The following PSD2 variants were observed in gnomAD, a reference collection of about 807,000 sequenced individuals.
PSD2 encodes pleckstrin and Sec7 domain containing 2.
PSD2 carries 38 observed loss-of-function variants against 69.8 expected under a neutral mutation model. The ratio of observed to expected loss-of-function variants is 0.54; its 90% CI spans 0.42 to 0.71. The LOEUF (loss-of-function observed/expected upper bound fraction) is 0.71, where lower values mean the gene tolerates loss of function less well. Ranked by LOEUF, PSD2 falls within the 30% of genes least tolerant of loss-of-function variation. The pLI, the probability that PSD2 is intolerant of heterozygous loss-of-function variation, is 0.00. For synonymous variants in PSD2, 412 were observed against 423.0 expected, an observed-to-expected ratio of 0.97 and a Z score of 0.32; for missense variants, 943 against 1,014.5, an observed-to-expected ratio of 0.93 and a Z score of 0.96.
At chr5:139,774,116 C>T in the PSD2 span, among the ~76,000 whole-genome samples, 2 of 151,400 alleles carry the variant, frequency 1.3e-5, no homozygotes, top group Admixed American at 6.6e-5. Flanking sequence ...TGAGCCGCAG[C>T]ACTCGGTCTC....
At chr5:139,795,388 C>G (rs1414186115), upstream of PSD2, among the ~76,000 whole-genome samples, 2 of 152,060 alleles carry the variant, frequency 1.3e-5, no homozygotes, top group Non-Finnish European at 2.9e-5. This position sits in a 1 kb window ranked among gnomAD's most constrained non-coding sequence, Gnocchi z 4.5. Flanking sequence ...GAACAGACCG[C>G]GGGAGGAGGG....
At chr5:139,753,591 G>A in the PSD2 span, among the ~76,000 whole-genome samples, 1 of 152,174 alleles carries the variant, frequency 6.6e-6, no homozygotes, top group East Asian at 1.9e-4. Flanking sequence ...CATGGCCCAT[G>A]AACTCAGCCT....
chr5:139,790,701 G>C, the PSD2 span, among the ~76,000 whole-genome samples: 1 of 152,176 alleles, frequency 6.6e-6, no homozygotes, highest in African/African-American at 2.4e-5. Flanking sequence ...CATTGTGGCA[G>C]TCACTGAGGA....
At chr5:139,812,079 G>A (rs1254367865) in intron 2 of PSD2, among the ~76,000 whole-genome samples, 1 of 152,086 alleles carries the variant, frequency 6.6e-6, no homozygotes, top group African/African-American at 2.4e-5. Context: ...TCATCTATGT[G>A]CGATGCTCTC....
chr5:139,796,708 C>G (rs964556011), intron 1 of PSD2, among the ~76,000 whole-genome samples: 4 of 152,214 alleles, frequency 2.6e-5, no homozygotes, highest in African/African-American at 9.6e-5. Flanking sequence ...CTAGAGGATG[C>G]AGGGACTCCC....
intron 2 of PSD2, among the ~76,000 whole-genome samples, chr5:139,811,367 C>G (rs1215350400): frequency 6.6e-6 from 1 of 152,152 alleles, no homozygotes; most frequent in Non-Finnish European, 1.5e-5. Flanking sequence ...GGAAGGGGCA[C>G]TTCCCAGTCC....
Position 139,839,619 on chromosome 5 carries a change from C to G in PSD2, c.1969-408C>G, listed in dbSNP as rs1364587643. On this transcript the variant is annotated intron_variant, in intron 13 of 14. Transcript: ENST00000274710. This position sits in a 1 kb window ranked among gnomAD's most constrained non-coding sequence, Gnocchi z 5.1. Reference sequence around the variant, plus strand: ...CATGAATGTAAGAGAACGCGTGTATCATATGGAGCAGGGGATAGCGGGGCC... The same window carrying G: ...CATGAATGTAAGAGAACGCGTGTATGATATGGAGCAGGGGATAGCGGGGCC... Among the ~76,000 whole-genome samples the G allele has an allele frequency of 6.6e-6, 1 of 152,182 alleles. No homozygotes were observed. The highest frequency in any genetic ancestry group is 1.9e-4 in the East Asian group (1 of 5,206).
At chr5:139,766,964 T>TCTTTCTTC in the PSD2 span, among the ~76,000 whole-genome samples, 3 of 142,766 alleles carry the variant, frequency 2.1e-5, no homozygotes, top group South Asian at 2.3e-4. Context: ...TTTCTTTCTT[T>TCTTTCTTC]CTTTCTTTCT....
intron 1 of PSD2, among the ~76,000 whole-genome samples, chr5:139,807,836 C>G (rs1759850892): frequency 6.6e-6 from 1 of 152,198 alleles, no homozygotes; most frequent in African/African-American, 2.4e-5. Context: ...CTTCTGGAGC[C>G]TACCCCAGTG....
chr5:139,829,058 A>T (rs1359179494), intron 7 of PSD2, among the ~76,000 whole-genome samples: 1 of 152,208 alleles, frequency 6.6e-6, no homozygotes, highest in Non-Finnish European at 1.5e-5. Flanking sequence ...AGAGGCCCCA[A>T]ATCGTGGACC....
intron 7 of PSD2, among the ~76,000 whole-genome samples, chr5:139,831,317 A>G (rs756393623): frequency 6.6e-6 from 1 of 152,126 alleles, no homozygotes; most frequent in Non-Finnish European, 1.5e-5. Context: ...CTGTTCTTTT[A>G]TATTTAAGGC....
the PSD2 span, among the ~76,000 whole-genome samples, chr5:139,789,128 C>A: frequency 6.6e-6 from 1 of 152,200 alleles, no homozygotes; most frequent in Non-Finnish European, 1.5e-5. Context: ...GGTTGCGGCC[C>A]AGGCATGCGT....
At position 139,837,587 on chromosome 5, in the gene PSD2, G is replaced by A; in HGVS notation, c.1666-38G>A. On this transcript the variant is annotated intron_variant, in intron 11 of 14. Transcript: ENST00000274710. This position sits in a 1 kb window ranked among gnomAD's most constrained non-coding sequence, Gnocchi z 5.0. Reference sequence around the variant, plus strand: ...AGGGGAGGGGAGAGTGGAAGGTGTGGGTCAGTGACCCTAGCTCGCCCATCC... The same window carrying A: ...AGGGGAGGGGAGAGTGGAAGGTGTGAGTCAGTGACCCTAGCTCGCCCATCC... The A allele has an allele frequency of 6.4e-7, 1 of 1,565,108 alleles. No individual in the cohort carries two copies. The highest frequency in any genetic ancestry group is 8.7e-7 in the Non-Finnish European group (1 of 1,148,716).
chr5:139,831,272 G>A (rs1760593868), intron 7 of PSD2, among the ~76,000 whole-genome samples: 1 of 151,882 alleles, frequency 6.6e-6, no homozygotes, highest in Non-Finnish European at 1.5e-5. Flanking sequence ...TGTTTATGTG[G>A]TATATCTTTT....
intron 1 of PSD2, among the ~76,000 whole-genome samples, chr5:139,804,966 CGT>C (rs981130549): frequency 1.4e-5 from 2 of 146,706 alleles, no homozygotes; most frequent in Admixed American, 1.4e-4. Context: ...TGTATGTGTG[CGT>C]GTGTGCGTGC....
chr5:139,763,711 A>G, the PSD2 span, among the ~76,000 whole-genome samples: 1 of 152,246 alleles, frequency 6.6e-6, no homozygotes, highest in African/African-American at 2.4e-5. Flanking sequence ...TTGGCCTCCA[A>G]GCAGCTTCCT....
chr5:139,819,186 C>T (rs1760195183), intron 5 of PSD2, among the ~76,000 whole-genome samples: 2 of 152,280 alleles, frequency 1.3e-5, no homozygotes, highest in South Asian at 2.1e-4. Context: ...TTTACGTTGT[C>T]CTTTGCTAGG....
intron 1 of PSD2, among the ~76,000 whole-genome samples, chr5:139,798,785 A>T (rs539918433): frequency 2.6e-5 from 4 of 152,220 alleles, no homozygotes; most frequent in African/African-American, 9.6e-5. Flanking sequence ...ATGCATTGTT[A>T]TCATACCCAA....
At chr5:139,781,865 C>T in the PSD2 span, among the ~76,000 whole-genome samples, 15 of 152,172 alleles carry the variant, frequency 9.9e-5, no homozygotes, top group Admixed American at 4.6e-4. Context: ...AACTCCTGAC[C>T]TCAGGTGATC....
Sources: gnomAD v4.1 joint callset for allele counts (sites outside exome capture counted in the v4.1 genomes callset) on GRCh38, gnomAD v4.1.1 for gene constraint, Gnocchi (gnomAD v3.1) non-coding constraint, MANE v1.5 for transcripts, NCBI Gene and HGNC (gene_info 2026-07-23, HGNC 2026-07-21) for gene names.